The following TFPI variants were observed in gnomAD, a reference collection of about 807,000 sequenced individuals.
The protein encoded by TFPI is anti-convertin.
A neutral mutation model predicts 34.6 loss-of-function variants in TFPI; 15 were observed. That is an observed-to-expected ratio of 0.43 (90% CI 0.29 to 0.67). TFPI has a LOEUF of 0.67. Among genes scored for constraint, TFPI ranks in the 30% least tolerant of loss-of-function variants. The probability of loss-of-function intolerance (pLI) is 0.15; values close to 1 mark genes in which losing one functional copy is unlikely to be tolerated. For synonymous variants in TFPI, 105 were observed against 120.1 expected, an observed-to-expected ratio of 0.87 and a Z score of 0.82; for missense variants, 301 against 364.0, an observed-to-expected ratio of 0.83 and a Z score of 1.41.
rs533740461 is a variant in TFPI at position 187,491,205 on chromosome 2, T to C, written c.320-2830A>G. ...TTCTTTTTAAAAATTTATTTCTTTT[T>C]TATTTTCATAGATTTAGGGGCTAGA... On this transcript the variant is annotated intron_variant, in intron 3 of 7. Coordinates refer to ENST00000233156, the MANE Select transcript of TFPI (RefSeq NM_006287.6). Among the ~76,000 whole-genome samples the C allele has an allele frequency of 3.9e-4, 60 of 152,100 alleles. No individual in the cohort carries two copies. The East Asian group carries it at 0.012, about 29-fold the overall frequency.
intron 1 of TFPI, among the ~76,000 whole-genome samples, chr2:187,545,244 G>A (rs990496050): frequency 2.6e-5 from 4 of 152,106 alleles, no homozygotes; most frequent in Non-Finnish European, 5.9e-5. Context: ...TAATATTTTT[G>A]TTATTCATAG....
rs541107461 is a variant in TFPI at position 187,530,843 on chromosome 2, T to G, written c.-3+23357A>C. ...GTAAAAATTGTTTTATTTTGTATTT[T>G]TTTTACAGAAAGTAAAAGGTCACTG... On this transcript the variant is annotated intron_variant, in intron 1 of 7. Coordinates refer to ENST00000233156, the MANE Select transcript of TFPI (RefSeq NM_006287.6). Among the ~76,000 whole-genome samples, 8 of 152,340 alleles carry G rather than the reference T, an allele frequency of 5.3e-5. No homozygotes were observed. In the East Asian group the frequency reaches 1.5e-3, roughly 29 times the overall value.
intron 1 of TFPI, 43 bp from the exon 2 acceptor site, chr2:187,503,813 A>C (rs1271998168): frequency 1.3e-6 from 2 of 1,599,816 alleles, no homozygotes; most frequent in Non-Finnish European, 1.7e-6. Flanking sequence ...TAAAGTGTTA[A>C]TATGCACTCA....
chr2:187,486,307 A>G (rs1048375689), intron 4 of TFPI, among the ~76,000 whole-genome samples: 1 of 151,652 alleles, frequency 6.6e-6, no homozygotes, highest in Non-Finnish European at 1.5e-5. Context: ...TTTAGTCTTA[A>G]TGTGTACTTT....
chr2:187,551,364 T>C (rs1478284119), intron 1 of TFPI, among the ~76,000 whole-genome samples: 1 of 152,078 alleles, frequency 6.6e-6, no homozygotes, highest in Admixed American at 6.6e-5. Flanking sequence ...GCATCCCAAA[T>C]AGAGGCTTAA....
intron 2 of TFPI, among the ~76,000 whole-genome samples, chr2:187,500,474 T>C (rs1239152785): frequency 6.6e-6 from 1 of 152,110 alleles, no homozygotes; most frequent in Non-Finnish European, 1.5e-5. Flanking sequence ...AAAGTAGCAT[T>C]TGGATCAAGC....
chr2:187,525,973 T>C (rs1341329315), intron 1 of TFPI, among the ~76,000 whole-genome samples: 2 of 152,152 alleles, frequency 1.3e-5, no homozygotes, highest in Non-Finnish European at 2.9e-5. Flanking sequence ...TGTCTCTATT[T>C]ACTTATCTAT....
chr2:187,512,282 A>C (rs1020562298), intron 1 of TFPI, among the ~76,000 whole-genome samples: 3 of 151,568 alleles, frequency 2.0e-5, no homozygotes, highest in Non-Finnish European at 2.9e-5. Context: ...TAAGTTAAAA[A>C]AAAAAAAAAA....
rs771763208 is a variant in TFPI, at chr2:187,488,385, A to G, written c.320-10T>C. The G allele has an allele frequency of 2.0e-6, 3 of 1,527,758 alleles. No individual in the cohort carries two copies. Among genetic ancestry groups the G allele is most frequent in the Non-Finnish European group, 2.6e-6 (3 of 1,136,096 alleles). 94.6% of individuals were successfully genotyped at this position (1,527,758 alleles called of 1,614,324 possible). On this transcript the variant is annotated splice_polypyrimidine_tract_variant and intron_variant, in intron 3 of 7. Coordinates refer to ENST00000233156, the MANE Select transcript of TFPI (RefSeq NM_006287.6). ...ATCCTGTTTGCATTATCTGTAATCA[A>G]AAGAATATATGCATATCAATTGTCA... is the stretch of plus-strand genomic sequence containing the variant.
At chr2:187,488,046 C>T (rs992393073) in intron 4 of TFPI, among the ~76,000 whole-genome samples, 3 of 151,174 alleles carry the variant, frequency 2.0e-5, no homozygotes, top group African/African-American at 7.3e-5. Flanking sequence ...AGAGTAAATA[C>T]GGTGTTTGGA....
At chr2:187,536,436 A>G (rs1317574291) in intron 1 of TFPI, among the ~76,000 whole-genome samples, 2 of 152,254 alleles carry the variant, frequency 1.3e-5, no homozygotes, top group Admixed American at 1.3e-4. Flanking sequence ...CAACATATGC[A>G]AATCAATAAA....
chr2:187,467,660 A>G, intron 7 of TFPI, 93 bp downstream of exon 7: 1 of 1,154,852 alleles, frequency 8.7e-7, no homozygotes, highest in Non-Finnish European at 1.2e-6. Flanking sequence ...TCTTATAATA[A>G]AGATAATTAA....
At chr2:187,546,282 G>GTTT (rs34692721) in intron 1 of TFPI, among the ~76,000 whole-genome samples, 2 of 135,106 alleles carry the variant, frequency 1.5e-5, no homozygotes, top group African/African-American at 2.7e-5. Flanking sequence ...AAATTTGTAA[G>GTTT]TTTTTTTTTT....
chr2:187,478,609 TAGC>T, intron 6 of TFPI: 1 of 1,546,112 alleles, frequency 6.5e-7, no homozygotes, highest in Non-Finnish European at 8.7e-7. Context: ...AAAACTTTAT[TAGC>T]AGTATGCTAT....
intron 2 of TFPI, among the ~76,000 whole-genome samples, chr2:187,500,680 A>C (rs1488505635): frequency 6.6e-6 from 1 of 152,166 alleles, no homozygotes; most frequent in East Asian, 1.9e-4. Flanking sequence ...CTTTATTCAC[A>C]CTTTAATGTA....
At chr2:187,549,314 T>G (rs1689011116) in intron 1 of TFPI, among the ~76,000 whole-genome samples, 1 of 152,124 alleles carries the variant, frequency 6.6e-6, no homozygotes, top group Admixed American at 6.6e-5. Context: ...CTAGCTTTCT[T>G]TATATGAATG....
chr2:187,466,963 A>C lies in TFPI; in HGVS notation c.888T>G (p.Tyr296Ter). The change falls in exon 8 of 8, where the codon TAT becomes TAG. Residue 296 changes from tyrosine to a stop codon, truncating the protein, a stop_gained. Transcript: ENST00000233156. LOFTEE classifies it high-confidence loss of function. ...KRKKQRVKIA[Y>*]EEIFVKNM Reference sequence around the variant, plus strand: ...ACATATTTTTAACAAAAATTTCTTCATATGCTATTTTCACTCTCTGCTTCT... The same window carrying C: ...ACATATTTTTAACAAAAATTTCTTCCTATGCTATTTTCACTCTCTGCTTCT... 6.3e-7 allele frequency: 1 copy of C among 1,578,444 alleles called. No homozygotes were observed. Among genetic ancestry groups the C allele is most frequent in the Non-Finnish European group, 8.6e-7 (1 of 1,157,248 alleles).
intron 3 of TFPI, among the ~76,000 whole-genome samples, chr2:187,492,406 A>G (rs1477599812): frequency 6.6e-6 from 1 of 152,246 alleles, no homozygotes; most frequent in African/African-American, 2.4e-5. Context: ...GGCAAGAGAC[A>G]TTATTCCAGT....
chr2:187,522,089 G>A lies in TFPI; in HGVS notation c.-2-18319C>T, dbSNP rs553388706. 1.3e-5 allele frequency among the ~76,000 whole-genome samples: 2 copies of A among 152,182 alleles called. 1 individual carries two copies. Among genetic ancestry groups the A allele is most frequent in the South Asian group, 4.1e-4 (2 of 4,824 alleles). On this transcript the variant is annotated intron_variant, in intron 1 of 7. Coordinates refer to ENST00000233156, the MANE Select transcript of TFPI (RefSeq NM_006287.6). Reference sequence around the variant, plus strand: ...ATTTTTTAAAAATTTCTGCTATTGAGTTGAAGGAGTTCCTTATGTATCTTG... The same window carrying A: ...ATTTTTTAAAAATTTCTGCTATTGAATTGAAGGAGTTCCTTATGTATCTTG...
Sources: gnomAD v4.1 joint callset for allele counts (sites outside exome capture counted in the v4.1 genomes callset) on GRCh38, gnomAD v4.1.1 for gene constraint, MANE v1.5 for transcripts, NCBI Gene and HGNC (gene_info 2026-07-23, HGNC 2026-07-21) for gene names.